Variants in RPS6KC1 observed in about 807,000 individuals in gnomAD.
The protein encoded by RPS6KC1 is ribosomal protein S6 kinase C1, also known as inactive ribosomal protein S6 kinase delta-1.
RPS6KC1 carries 54 observed loss-of-function variants against 103.8 expected under a neutral mutation model. That is an observed-to-expected ratio of 0.52 (90% confidence interval 0.42 to 0.65). The LOEUF (loss-of-function observed/expected upper bound fraction) is 0.65. Among genes scored for constraint, RPS6KC1 ranks in the 30% least tolerant of loss-of-function variants. RPS6KC1 has a pLI of 0.00. For missense variants in RPS6KC1, 1,151 were observed against 1,253.8 expected (o/e 0.92, Z 1.24); for synonymous variants, 439 against 438.7 (o/e 1.00, Z -0.01).
the RPS6KC1 span, among the ~76,000 whole-genome samples, chr1:213,341,606 A>G: frequency 6.6e-6 from 1 of 152,230 alleles, no homozygotes; most frequent in Non-Finnish European, 1.5e-5. Flanking sequence ...TAAAAATGCT[A>G]GCATGCATTG....
At chr1:213,760,601 A>C in the RPS6KC1 span, among the ~76,000 whole-genome samples, 1 of 151,378 alleles carries the variant, frequency 6.6e-6, no homozygotes, top group East Asian at 1.9e-4. Context: ...ATTCAAGATA[A>C]ATTCGTTTTG....
the RPS6KC1 span, among the ~76,000 whole-genome samples, chr1:213,304,633 C>T: frequency 6.6e-6 from 1 of 151,520 alleles, no homozygotes; most frequent in Non-Finnish European, 1.5e-5. Flanking sequence ...ACCTCTGGAT[C>T]CTGGGTTCAA....
the RPS6KC1 span, among the ~76,000 whole-genome samples, chr1:213,458,363 GTGTAAACGTAACACT>G: frequency 0.019 from 2,339 of 121,402 alleles, 58 homozygotes; most frequent in African/African-American, 0.068. Context: ...GTATTCCATA[GTGTAAACGTAACACT>G]TTTTTTTTAA....
intron 2 of RPS6KC1, among the ~76,000 whole-genome samples, chr1:213,077,440 G>C (rs2079444817): frequency 6.6e-6 from 1 of 152,080 alleles, no homozygotes; most frequent in Non-Finnish European, 1.5e-5. Context: ...AGAATAGTTT[G>C]AGGAAGAATT....
chr1:213,643,070 G>A, the RPS6KC1 span, among the ~76,000 whole-genome samples: 4 of 151,228 alleles, frequency 2.6e-5, no homozygotes, highest in Admixed American at 1.3e-4. Flanking sequence ...TAATAAATAC[G>A]GTTTTCTAAC....
the RPS6KC1 span, among the ~76,000 whole-genome samples, chr1:213,854,785 C>A: frequency 6.6e-6 from 1 of 152,214 alleles, no homozygotes; most frequent in Non-Finnish European, 1.5e-5. Flanking sequence ...CAAAATTTTA[C>A]AAGCAGCCTC....
At chr1:213,391,800 T>G in the RPS6KC1 span, among the ~76,000 whole-genome samples, 1 of 152,318 alleles carries the variant, frequency 6.6e-6, no homozygotes, top group Admixed American at 6.5e-5. Flanking sequence ...AAAGAATTAT[T>G]TTTATTCTAT....
intron 3 of RPS6KC1, among the ~76,000 whole-genome samples, chr1:213,084,619 G>T (rs958653930): frequency 1.1e-4 from 16 of 152,036 alleles, no homozygotes; most frequent in African/African-American, 3.9e-4. Flanking sequence ...TTCCACTTTT[G>T]TTAGTTGACC....
At chr1:213,114,867 A>G (rs1333571830) in intron 4 of RPS6KC1, among the ~76,000 whole-genome samples, 1 of 152,110 alleles carries the variant, frequency 6.6e-6, no homozygotes, top group Non-Finnish European at 1.5e-5. Flanking sequence ...ATTGATTTGC[A>G]TATATTGAAC....
chr1:213,472,196 C>T, the RPS6KC1 span, among the ~76,000 whole-genome samples: 4 of 152,124 alleles, frequency 2.6e-5, no homozygotes, highest in Admixed American at 6.5e-5. Context: ...ACAAAACTTA[C>T]TGTTCAGAGG....
At chr1:213,849,033 A>G in the RPS6KC1 span, among the ~76,000 whole-genome samples, 2 of 152,214 alleles carry the variant, frequency 1.3e-5, no homozygotes, top group Non-Finnish European at 1.5e-5. Context: ...GGATGTCAAC[A>G]GAGGCTGACA....
chr1:213,634,835 C>T, the RPS6KC1 span, among the ~76,000 whole-genome samples: 1 of 151,088 alleles, frequency 6.6e-6, no homozygotes, highest in African/African-American at 2.4e-5. Flanking sequence ...AATCCGGGAG[C>T]TGGTTTTTTG....
chr1:213,386,157 C>T, the RPS6KC1 span, among the ~76,000 whole-genome samples: 13 of 152,126 alleles, frequency 8.5e-5, no homozygotes, highest in Non-Finnish European at 1.6e-4. Context: ...TGTTAAAAAG[C>T]AACTGGCACC....
At chr1:213,625,234 T>G in the RPS6KC1 span, among the ~76,000 whole-genome samples, 1 of 152,214 alleles carries the variant, frequency 6.6e-6, no homozygotes, top group Non-Finnish European at 1.5e-5. Context: ...AAAAGCAGTT[T>G]CTTTAGATGC....
chr1:213,160,997 TAAAA>T (rs571599970), intron 6 of RPS6KC1, among the ~76,000 whole-genome samples: 1 of 151,174 alleles, frequency 6.6e-6, no homozygotes, highest in East Asian at 2.0e-4. Context: ...TAAAGTATAA[TAAAA>T]AAAATAGTGG....
the RPS6KC1 span, among the ~76,000 whole-genome samples, chr1:213,712,284 C>G: frequency 6.6e-6 from 1 of 152,328 alleles, no homozygotes; most frequent in African/African-American, 2.4e-5. Context: ...TCCACCCAGT[C>G]TGAACTTCCT....
the RPS6KC1 span, among the ~76,000 whole-genome samples, chr1:213,816,444 C>T: frequency 7.2e-5 from 11 of 152,286 alleles, no homozygotes; most frequent in Non-Finnish European, 1.5e-4. Context: ...TTCCATTTTG[C>T]CCTTAAGAGT....
At chr1:213,541,269 G>A in the RPS6KC1 span, among the ~76,000 whole-genome samples, 3 of 150,530 alleles carry the variant, frequency 2.0e-5, no homozygotes, top group African/African-American at 7.3e-5. Flanking sequence ...AGTTCGTGGA[G>A]CCCCCAAACA....
At chr1:213,679,717 A>G in the RPS6KC1 span, among the ~76,000 whole-genome samples, 176 of 152,324 alleles carry the variant, frequency 1.2e-3, no homozygotes, top group Non-Finnish European at 2.1e-3. Context: ...CTTTTCTACT[A>G]TCCTACTGCT....
Sources: gnomAD v4.1 joint callset for allele counts (sites outside exome capture counted in the v4.1 genomes callset) on GRCh38, gnomAD v4.1.1 for gene constraint, MANE v1.5 for transcripts, NCBI Gene and HGNC (gene_info 2026-07-23, HGNC 2026-07-21) for gene names.